Variants in IPCEF1 observed in about 807,000 individuals in gnomAD.
IPCEF1 encodes the protein interaction protein for cytohesin exchange factors 1, also known as interactor protein for cytohesin exchange factors 1.
IPCEF1 carries 31 observed loss-of-function variants against 50.9 expected under a neutral mutation model. The observed-to-expected ratio is 0.61, with a 90% confidence interval of 0.46 to 0.82. The LOEUF (loss-of-function observed/expected upper bound fraction) is 0.82, where lower values mean the gene tolerates loss of function less well. Ranked by LOEUF, IPCEF1 falls within the 40% of genes least tolerant of loss-of-function variation. IPCEF1 has a pLI of 0.00. For missense variants in IPCEF1, 458 were observed against 514.0 expected (o/e 0.89, Z 1.05); for synonymous variants, 181 against 192.0 (o/e 0.94, Z 0.47).
intron 2 of IPCEF1, among the ~76,000 whole-genome samples, chr6:154,278,023 C>G (rs1159082506): frequency 6.6e-6 from 1 of 152,040 alleles, no homozygotes; most frequent in Non-Finnish European, 1.5e-5. Context: ...TCCCTCCTGC[C>G]CTAGATACCT....
chr6:154,288,016 A>G (rs1401670234), intron 2 of IPCEF1, among the ~76,000 whole-genome samples: 2 of 152,230 alleles, frequency 1.3e-5, no homozygotes, highest in Admixed American at 1.3e-4. Context: ...ATGTTGAAAC[A>G]ATAGAATTTA....
intron 3 of IPCEF1, among the ~76,000 whole-genome samples, chr6:154,251,688 T>C (rs1042088754): frequency 1.3e-5 from 2 of 152,148 alleles, no homozygotes; most frequent in African/African-American, 4.8e-5. Context: ...GTTGCTGTTT[T>C]GTTAAGAAGT....
chr6:154,229,727 C>T (rs1779576205), intron 5 of IPCEF1, among the ~76,000 whole-genome samples: 1 of 152,136 alleles, frequency 6.6e-6, no homozygotes, highest in Non-Finnish European at 1.5e-5. Context: ...TAGGTGTCTA[C>T]CCAAGAGGAA....
rs539924598 is a variant in IPCEF1 at position 154,256,477 on chromosome 6, C to T, written c.37-8989G>A. Among the ~76,000 whole-genome samples, 5 of 152,144 alleles carry T rather than the reference C, an allele frequency of 3.3e-5. No homozygotes were observed. In the East Asian group the frequency reaches 7.7e-4, roughly 24 times the overall value. On this transcript the variant is annotated intron_variant, in intron 3 of 11. Coordinates refer to ENST00000367220, the MANE Select transcript of IPCEF1 (RefSeq NM_001130700.2). The stretch of plus-strand genomic sequence containing the variant: ...TGCAAGTGAAAAAGTTTTATGTCTT[C>T]TCTTTCTCTGCCTTACTATCTGTCT...
At chr6:154,213,045 C>T (rs1050200003) in intron 8 of IPCEF1, 190 bp from the exon 9 acceptor site, 9 of 562,388 alleles carry the variant, frequency 1.6e-5, no homozygotes, top group Admixed American at 3.0e-5. Flanking sequence ...ATGGCCAATT[C>T]GGGGCTCCTG....
At chr6:154,314,826 G>T (rs1409587511) in intron 1 of IPCEF1, among the ~76,000 whole-genome samples, 2 of 151,138 alleles carry the variant, frequency 1.3e-5, no homozygotes, top group Admixed American at 6.6e-5. Context: ...ATAGAAAGAG[G>T]TTCCTTTCCC....
chr6:154,311,475 G>T (rs1212330605), intron 1 of IPCEF1, among the ~76,000 whole-genome samples: 2 of 152,130 alleles, frequency 1.3e-5, no homozygotes, highest in African/African-American at 4.8e-5. Context: ...TTTCAAGCTA[G>T]ACCTCTTGAG....
chr6:154,246,606 CCAG>C lies in IPCEF1; in HGVS notation c.228_230del (p.Tyr76_Trp77delinsTer). On this transcript the variant is annotated stop_gained and inframe_deletion, in exon 5 of 12. Transcript: ENST00000367220. LOFTEE classifies it high-confidence loss of function. ...GCAGACTCACCATTTGATTGCTATA[CCAG>C]TACAGTGACGACCCCTTCAGTATCA... 6.2e-7 allele frequency: 1 copy of C among 1,613,228 alleles called. No individual in the cohort carries two copies. The highest frequency in any genetic ancestry group is 8.5e-7 in the Non-Finnish European group (1 of 1,179,536).
chr6:154,319,203 A>G (rs1354607508), intron 1 of IPCEF1, among the ~76,000 whole-genome samples: 1 of 152,072 alleles, frequency 6.6e-6, no homozygotes, highest in East Asian at 1.9e-4. Context: ...TGTTTATAAA[A>G]TTTTCAGAGT....
At chr6:154,334,833 T>C (rs1257664091) in intron 1 of IPCEF1, among the ~76,000 whole-genome samples, 1 of 152,212 alleles carries the variant, frequency 6.6e-6, no homozygotes, top group Admixed American at 6.5e-5. Context: ...CAGAAACTGA[T>C]ACCTCAAAAT....
chr6:154,295,402 T>C (rs184791309), intron 1 of IPCEF1, among the ~76,000 whole-genome samples: 160 of 152,260 alleles, frequency 1.1e-3, no homozygotes, highest in Admixed American at 8.0e-3. Flanking sequence ...TGCCACTCCA[T>C]TGCTCACGGG....
At chr6:154,261,123 CT>C (rs1781589182) in intron 3 of IPCEF1, among the ~76,000 whole-genome samples, 1 of 152,120 alleles carries the variant, frequency 6.6e-6, no homozygotes, top group African/African-American at 2.4e-5. Flanking sequence ...CAGCCTCGAT[CT>C]CCTGGGCCCA....
At chr6:154,351,067 G>A (rs760320575) in intron 1 of IPCEF1, among the ~76,000 whole-genome samples, 2 of 152,150 alleles carry the variant, frequency 1.3e-5, no homozygotes, top group Non-Finnish European at 2.9e-5. Context: ...CAACTCAAGC[G>A]TGGAGAAGTT....
At chr6:154,228,976 C>T (rs912086694) in intron 5 of IPCEF1, among the ~76,000 whole-genome samples, 2 of 152,244 alleles carry the variant, frequency 1.3e-5, no homozygotes, top group African/African-American at 4.8e-5. Context: ...TAATGCCCTT[C>T]CTACCTCATT....
At chr6:154,241,099 G>C (rs1175720579) in intron 5 of IPCEF1, among the ~76,000 whole-genome samples, 1 of 152,058 alleles carries the variant, frequency 6.6e-6, no homozygotes, top group East Asian at 1.9e-4. Flanking sequence ...AGCTGGGCGT[G>C]GTGGTGCACG....
intron 2 of IPCEF1, among the ~76,000 whole-genome samples, chr6:154,270,683 T>TTA (rs1781879783): frequency 6.6e-6 from 1 of 152,238 alleles, no homozygotes; most frequent in Admixed American, 6.5e-5. Context: ...TCAATTTAAA[T>TTA]ATGTATTCTT....
intron 11 of IPCEF1, among the ~76,000 whole-genome samples, chr6:154,161,579 C>T (rs920662437): frequency 6.6e-6 from 1 of 152,172 alleles, no homozygotes; most frequent in African/African-American, 2.4e-5. Context: ...ACCTTCCCTG[C>T]ACTCCCAAAA....
chr6:154,209,029 T>C (rs1777739042), intron 9 of IPCEF1, among the ~76,000 whole-genome samples: 1 of 152,248 alleles, frequency 6.6e-6, no homozygotes. Flanking sequence ...GAAGATTTCC[T>C]GACATGTTCT....
intron 1 of IPCEF1, among the ~76,000 whole-genome samples, chr6:154,344,371 T>C (rs1783983035): frequency 6.6e-6 from 1 of 152,208 alleles, no homozygotes; most frequent in South Asian, 2.1e-4. Flanking sequence ...CTTCCATCTG[T>C]ATATCCAGTA....
Sources: allele counts gnomAD v4.1 joint callset (sites outside exome capture counted in the v4.1 genomes callset), GRCh38; gene constraint gnomAD v4.1.1; transcripts MANE v1.5; gene names NCBI Gene and HGNC (gene_info 2026-07-23, HGNC 2026-07-21).